Variants in NRBF2 observed in about 807,000 individuals in gnomAD.
NRBF2 encodes the protein nuclear receptor binding factor 2, also known as nuclear receptor-binding factor 2.
In NRBF2, 12 loss-of-function variants were observed where a neutral mutation model predicts 28.5. That is an observed-to-expected ratio of 0.42 (90% CI 0.27 to 0.68). The LOEUF (loss-of-function observed/expected upper bound fraction) is 0.68, where lower values mean the gene tolerates loss of function less well. Ranked by LOEUF, NRBF2 falls within the 30% of genes least tolerant of loss-of-function variation. The pLI, the probability that NRBF2 is intolerant of heterozygous loss-of-function variation, is 0.24. For missense variants in NRBF2, 274 were observed against 333.5 expected, an observed-to-expected ratio of 0.82 and a Z score of 1.39; for synonymous variants, 102 against 116.5, an observed-to-expected ratio of 0.88 and a Z score of 0.80.
chr10:63,153,349 G>A (rs1386139297), intron 3 of NRBF2, among the ~76,000 whole-genome samples, 162 bp from the exon 4 acceptor site: 1 of 152,184 alleles, frequency 6.6e-6, no homozygotes, highest in South Asian at 2.1e-4. Flanking sequence ...TGTATTGATT[G>A]GGAATAGGAC....
intron 1 of NRBF2, among the ~76,000 whole-genome samples, chr10:63,134,196 G>A (rs1841339526): frequency 1.3e-5 from 2 of 152,116 alleles, no homozygotes; most frequent in South Asian, 2.1e-4. Flanking sequence ...ATGGCTGATA[G>A]CCTGTTTACT....
At chr10:63,152,072 A>G in intron 2 of NRBF2, 78 bp from the exon 3 acceptor site, 1 of 1,048,748 alleles carries the variant, frequency 9.5e-7, no homozygotes, top group Non-Finnish European at 1.5e-6. Context: ...TCATATGAAG[A>G]TTATTAAAAC....
At chr10:63,145,581 A>T (rs1182895621) in intron 1 of NRBF2, among the ~76,000 whole-genome samples, 1 of 152,210 alleles carries the variant, frequency 6.6e-6, no homozygotes, top group Non-Finnish European at 1.5e-5. Context: ...TCCTTCAATT[A>T]CATTATTTGC....
intron 1 of NRBF2, among the ~76,000 whole-genome samples, chr10:63,138,124 G>A (rs1351503767): frequency 6.6e-6 from 1 of 151,996 alleles, no homozygotes; most frequent in African/African-American, 2.4e-5. Context: ...AGACCAGCCT[G>A]GCCAACAAGA....
intron 2 of NRBF2, among the ~76,000 whole-genome samples, chr10:63,148,704 T>TG (rs1841601049): frequency 6.6e-6 from 1 of 152,206 alleles, no homozygotes; most frequent in Non-Finnish European, 1.5e-5. Flanking sequence ...TGAAATAAGT[T>TG]GCTTGATGTC....
intron 1 of NRBF2, among the ~76,000 whole-genome samples, chr10:63,145,180 T>C (rs1841539864): frequency 7.1e-6 from 1 of 140,468 alleles, no homozygotes; most frequent in African/African-American, 2.7e-5. Context: ...TGATCTTGCC[T>C]CATTGCAACC....
intron 1 of NRBF2, among the ~76,000 whole-genome samples, chr10:63,134,242 AACAAC>A (rs1299901332): frequency 6.6e-5 from 10 of 152,160 alleles, no homozygotes; most frequent in Admixed American, 2.6e-4. Context: ...GCAATTAAAA[AACAAC>A]ACAACAGAAC....
rs189294313 is a variant in NRBF2, at chr10:63,133,334, T to G, written c.-137T>G. On this transcript the variant is annotated 5_prime_UTR_variant, in exon 1 of 4. Coordinates refer to ENST00000277746, the MANE Select transcript of NRBF2 (RefSeq NM_030759.5). ...AGGAAGTGGTGAGGTTGTTGCTCCT[T>G]CAGCGCCTATCGCTGGCTCTTGGGG... The G allele has an allele frequency of 2.5e-3, 2,535 of 1,027,036 alleles. 5 individuals are homozygous for G. Among genetic ancestry groups the G allele is most frequent in the Non-Finnish European group, 3.1e-3 (2,144 of 686,560 alleles). The allele number at this position is 1,027,036 out of a possible 1,614,324, so 63.6% of individuals were successfully genotyped here.
At chr10:63,150,806 T>C (rs912694318) in intron 2 of NRBF2, among the ~76,000 whole-genome samples, 3 of 152,186 alleles carry the variant, frequency 2.0e-5, no homozygotes, top group Non-Finnish European at 4.4e-5. Context: ...CTAGGGGTGA[T>C]GGGAGACAGC....
chr10:63,137,927 G>A (rs893524402), intron 1 of NRBF2, among the ~76,000 whole-genome samples: 5 of 152,132 alleles, frequency 3.3e-5, no homozygotes, highest in African/African-American at 7.2e-5. Context: ...CATCGGGCAC[G>A]TTATGTATAT....
intron 1 of NRBF2, among the ~76,000 whole-genome samples, chr10:63,144,616 C>T (rs1256632979): frequency 6.6e-6 from 1 of 152,000 alleles, no homozygotes; most frequent in Non-Finnish European, 1.5e-5. Flanking sequence ...CGGGGTTTCA[C>T]CGTGTTAGCC....
At chr10:63,137,586 C>T (rs1263447372) in intron 1 of NRBF2, among the ~76,000 whole-genome samples, 1 of 152,144 alleles carries the variant, frequency 6.6e-6, no homozygotes, top group Non-Finnish European at 1.5e-5. Context: ...GTAACAGCTT[C>T]CCTCCAGAGT....
chr10:63,134,060 CTG>C (rs1219150900), intron 1 of NRBF2, among the ~76,000 whole-genome samples: 1 of 146,234 alleles, frequency 6.8e-6, no homozygotes, highest in African/African-American at 2.5e-5. Context: ...CATGCATAAA[CTG>C]AGTCTACCGT....
rs546290609 is a variant in NRBF2 at position 63,133,400 on chromosome 10, CCTTGCAGT to C, written c.-69_-62del. The stretch of plus-strand genomic sequence containing the variant: ...CAGTCTCCGCGGCTGCGTCGAGCTC[CCTTGCAGT>C]CCCCTCCATGTTCCCCGGCGCCACT... On this transcript the variant is annotated 5_prime_UTR_variant, in exon 1 of 4. Transcript: ENST00000277746. 5.8e-4 allele frequency: 922 copies of C among 1,592,802 alleles called. 5 individuals carry two copies. The African/African-American group carries it at 0.011, about 20-fold the overall frequency.
intron 2 of NRBF2, among the ~76,000 whole-genome samples, chr10:63,147,412 C>G (rs1238635731): frequency 6.6e-6 from 1 of 151,910 alleles, no homozygotes; most frequent in Non-Finnish European, 1.5e-5. Flanking sequence ...TTCCCGCCTC[C>G]TGGTTTCAAG....
At chr10:63,151,982 C>T (rs968927379) in intron 2 of NRBF2, among the ~76,000 whole-genome samples, 168 bp from the exon 3 acceptor site, 2 of 152,182 alleles carry the variant, frequency 1.3e-5, no homozygotes, top group Non-Finnish European at 2.9e-5. Context: ...TTTATTGCCA[C>T]TGACATCCTT....
intron 1 of NRBF2, among the ~76,000 whole-genome samples, chr10:63,141,972 G>A (rs1320034457): frequency 6.6e-6 from 1 of 152,170 alleles, no homozygotes. Flanking sequence ...TCTACATGGG[G>A]ATGTTTTAAG....
chr10:63,152,888 T>G (rs929206180), intron 3 of NRBF2, among the ~76,000 whole-genome samples: 1 of 152,182 alleles, frequency 6.6e-6, no homozygotes, highest in East Asian at 1.9e-4. Flanking sequence ...TTCTAGCTAC[T>G]TGGGAGGTTG....
chr10:63,136,360 T>G (rs989552368), intron 1 of NRBF2, among the ~76,000 whole-genome samples: 1 of 152,186 alleles, frequency 6.6e-6, no homozygotes, highest in African/African-American at 2.4e-5. Flanking sequence ...TGACTCAAGA[T>G]GAGAGTTCTC....
Sources: allele counts gnomAD v4.1 joint callset (sites outside exome capture counted in the v4.1 genomes callset), GRCh38; gene constraint gnomAD v4.1.1; transcripts MANE v1.5; gene names NCBI Gene and HGNC (gene_info 2026-07-23, HGNC 2026-07-21).